Variants in GSE1 observed in about 807,000 individuals in gnomAD.
GSE1 encodes the protein genetic suppressor element 1.
A neutral mutation model predicts 112.6 loss-of-function variants in GSE1; 32 were observed. That is an observed-to-expected ratio of 0.28 (90% CI 0.21 to 0.38). The LOEUF is 0.38. Among genes scored for constraint, GSE1 ranks in the 10% least tolerant of loss-of-function variants. GSE1 has a pLI of 1.00. For missense variants in GSE1, 2,348 were observed against 1,699.2 expected, an observed-to-expected ratio of 1.38 and a Z score of -6.71; for synonymous variants, 1,115 against 735.6, an observed-to-expected ratio of 1.52 and a Z score of -8.35.
At chr16:85,213,328 C>G (rs1223117317) in intron 1 of GSE1, among the ~76,000 whole-genome samples, 1 of 151,712 alleles carries the variant, frequency 6.6e-6, no homozygotes, top group African/African-American at 2.4e-5. Context: ...CGTCTGCATT[C>G]CCAGCTACTT....
intron 1 of GSE1, among the ~76,000 whole-genome samples, chr16:85,237,484 G>A (rs555358680): frequency 1.3e-5 from 2 of 152,098 alleles, no homozygotes; most frequent in African/African-American, 4.8e-5. Flanking sequence ...TTCCGAGCTG[G>A]GGATTGACAG....
intron 2 of GSE1, among the ~76,000 whole-genome samples, chr16:85,475,866 G>T (rs886351423): frequency 7.4e-5 from 11 of 148,332 alleles, no homozygotes; most frequent in Non-Finnish European, 1.2e-4. Context: ...TCAAGTGATC[G>T]TTCCACCTCA....
At chr16:85,564,881 G>A (rs924256788) in intron 1 of GSE1, among the ~76,000 whole-genome samples, 5 of 152,196 alleles carry the variant, frequency 3.3e-5, no homozygotes, top group African/African-American at 1.2e-4. Flanking sequence ...ACAGCCAGGC[G>A]TGCGGGAGTG....
At chr16:85,389,319 G>A (rs542638039) in intron 2 of GSE1, among the ~76,000 whole-genome samples, 17 of 152,258 alleles carry the variant, frequency 1.1e-4, no homozygotes, top group Admixed American at 7.2e-4. Context: ...AATTAGCTGG[G>A]TGTGGTGGCA....
At chr16:85,368,074 G>A (rs1006302575) in intron 2 of GSE1, among the ~76,000 whole-genome samples, 2 of 152,004 alleles carry the variant, frequency 1.3e-5, no homozygotes, top group Admixed American at 6.6e-5. Flanking sequence ...GGCTGGTCTC[G>A]AACTCTCGAC....
chr16:85,607,253 G>A (rs1260324360), upstream of GSE1, among the ~76,000 whole-genome samples: 1 of 152,166 alleles, frequency 6.6e-6, no homozygotes, highest in Non-Finnish European at 1.5e-5. Context: ...CCCCGCTCCA[G>A]TAGGAGAGGC....
chr16:85,308,212 C>A (rs893923333), intron 1 of GSE1, among the ~76,000 whole-genome samples: 5 of 152,188 alleles, frequency 3.3e-5, no homozygotes, highest in African/African-American at 1.2e-4. Flanking sequence ...CTAAAGGAAG[C>A]CCTCAGCTCT....
At chr16:85,442,662 C>A (rs1443344222) in intron 2 of GSE1, among the ~76,000 whole-genome samples, 6 of 152,184 alleles carry the variant, frequency 3.9e-5, no homozygotes, top group African/African-American at 1.4e-4. Flanking sequence ...CCAGAGGGCA[C>A]CCAGGTGGCA....
At chr16:85,669,917 C>G (rs1348746445) in intron 14 of GSE1, among the ~76,000 whole-genome samples, 1 of 152,240 alleles carries the variant, frequency 6.6e-6, no homozygotes, top group Non-Finnish European at 1.5e-5. Flanking sequence ...CTGACCCCCT[C>G]TTCTCTCAGC....
Position 85,311,419 on chromosome 16 carries a change from A to G in GSE1, c.2284-46044A>G, listed in dbSNP as rs2045842307. ...CAGGTCAGCAGCAGCATCGGAGGCA[A>G]CCTGCCCTCGTGGCACCACAAGAGA... is the stretch of plus-strand genomic sequence containing the variant. On this transcript the variant is annotated intron_variant, in intron 1 of 2. Transcript: ENST00000637419. This position sits in a 1 kb window ranked among gnomAD's most constrained non-coding sequence, Gnocchi z 4.2. 6.9e-6 allele frequency among the ~76,000 whole-genome samples: 1 copy of G among 145,546 alleles called. No homozygotes were observed. The highest frequency in any genetic ancestry group is 1.5e-5 in the Non-Finnish European group (1 of 65,644).
intron 8 of GSE1, among the ~76,000 whole-genome samples, chr16:85,658,895 G>A (rs777194713): frequency 1.1e-4 from 17 of 152,212 alleles, no homozygotes; most frequent in Non-Finnish European, 1.8e-4. Flanking sequence ...TGCCCCATCC[G>A]GACCTGGGGC....
intron 1 of GSE1, among the ~76,000 whole-genome samples, chr16:85,222,878 C>T (rs1160368667): frequency 6.6e-6 from 1 of 152,120 alleles, no homozygotes; most frequent in African/African-American, 2.4e-5. Context: ...GGTGGCTTTT[C>T]TTCTGTTTTC....
intron 1 of GSE1, among the ~76,000 whole-genome samples, chr16:85,622,575 T>G (rs1231033789): frequency 1.3e-5 from 2 of 152,208 alleles, no homozygotes; most frequent in African/African-American, 4.8e-5. Context: ...GTATGTAACA[T>G]GCAGTAGGTG....
intron 2 of GSE1, among the ~76,000 whole-genome samples, chr16:85,645,151 T>TG: frequency 6.6e-6 from 1 of 151,030 alleles, no homozygotes; most frequent in East Asian, 2.0e-4. Context: ...CGACTTGGGG[T>TG]GGTGGAGTTC....
intron 1 of GSE1, among the ~76,000 whole-genome samples, chr16:85,312,368 C>T (rs183604015): frequency 7.4e-4 from 112 of 152,342 alleles, no homozygotes; most frequent in Non-Finnish European, 1.4e-3. Context: ...CAGGGCCGCC[C>T]TCCCTTCCAA....
chr16:85,449,986 C>T (rs1459858887), intron 2 of GSE1, among the ~76,000 whole-genome samples: 1 of 152,176 alleles, frequency 6.6e-6, no homozygotes, highest in Non-Finnish European at 1.5e-5. Context: ...AGTCTCAGCC[C>T]CAGTGGCCTT....
In GSE1 at chr16:85,532,642, C is replaced by T. The variant is rs140148989; in HGVS notation, c.2465-101272C>T. ...CTGCAGTGGTCGCCTCCCACCGCCC[C>T]GCACTGTTCCTCCCTGCCTGGATTC... On this transcript the variant is annotated intron_variant, in intron 2 of 2. Transcript: ENST00000637419. 3.5e-3 allele frequency among the ~76,000 whole-genome samples: 540 copies of T among 152,260 alleles called. 12 individuals are homozygous for T. Among genetic ancestry groups the T allele is most frequent in the Admixed American group, 0.027 (417 of 15,304 alleles).
chr16:85,306,021 G>A (rs548690300), intron 1 of GSE1, among the ~76,000 whole-genome samples: 1 of 152,270 alleles, frequency 6.6e-6, no homozygotes, highest in Admixed American at 6.5e-5. Context: ...AGCCTGGGAG[G>A]TGGAGGTTGC....
intron 2 of GSE1, among the ~76,000 whole-genome samples, chr16:85,521,656 T>C (rs1434785399): frequency 6.6e-6 from 1 of 152,242 alleles, no homozygotes; most frequent in Admixed American, 6.5e-5. Context: ...GCAGCCTCCC[T>C]GTCCCTCTGC....
Sources: allele counts gnomAD v4.1 joint callset (sites outside exome capture counted in the v4.1 genomes callset), GRCh38; gene constraint gnomAD v4.1.1; non-coding constraint Gnocchi (gnomAD v3.1); transcripts MANE v1.5; gene names NCBI Gene and HGNC (gene_info 2026-07-23, HGNC 2026-07-21).